Variants in ABCA13 observed in about 807,000 individuals in gnomAD.
The protein encoded by ABCA13 is ATP binding cassette subfamily A member 13.
Under a neutral mutation model 478.7 loss-of-function variants are expected in ABCA13, and 476 were observed. The observed-to-expected ratio is 0.99, with a 90% CI of 0.92 to 1.07. The LOEUF (loss-of-function observed/expected upper bound fraction) is 1.07, where lower values mean the gene tolerates loss of function less well. Ranked by LOEUF, ABCA13 falls within the 50% of genes least tolerant of loss-of-function variation. ABCA13 has a pLI of 0.00. For missense variants in ABCA13, 6,060 were observed against 5,910.6 expected (o/e 1.03, Z -0.83); for synonymous variants, 2,252 against 2,158.9 (o/e 1.04, Z -1.20).
At chr7:48,265,202 T>C (rs1794712686) in intron 15 of ABCA13, among the ~76,000 whole-genome samples, 1 of 151,694 alleles carries the variant, frequency 6.6e-6, no homozygotes. Context: ...ACAGTAAAAC[T>C]TAAATTTAGG....
chr7:48,190,260 C>A (rs1417653526), intron 1 of ABCA13, among the ~76,000 whole-genome samples: 1 of 152,000 alleles, frequency 6.6e-6, no homozygotes, highest in Non-Finnish European at 1.5e-5. Flanking sequence ...CAAAAGTCAG[C>A]CAAATATGTA....
intron 1 of ABCA13, among the ~76,000 whole-genome samples, chr7:48,187,019 G>GTATA (rs773804724): frequency 0.19 from 27,531 of 144,914 alleles, 2,790 homozygotes; most frequent in Non-Finnish European, 0.22. Flanking sequence ...ATGTGTGTGT[G>GTATA]TATATATATA....
chr7:48,295,831 G>A lies in ABCA13; in HGVS notation c.9087G>A (p.Pro3029=), dbSNP rs749435972. 3.7e-6 allele frequency: 6 copies of A among 1,613,376 alleles called. No homozygotes were observed. The African/African-American group carries it at 4.0e-5, about 11-fold the overall frequency. Residue 3029 remains proline, a synonymous_variant, in exon 21 of 62, where the codon CCG becomes CCA. Transcript: ENST00000435803. ...CTGGCCAGGACTGCACAAGCCAGCC[G>A]AGGCTGGAGACGGTGCAGCAGCACT... is the stretch of plus-strand genomic sequence containing the variant. ...NATGQDCTSQ[P]RLETVQQHLY...
In ABCA13 at chr7:48,313,244, T is replaced by G; in HGVS notation, c.9681+13T>G. 6.3e-7 allele frequency: 1 copy of G among 1,599,132 alleles called. No homozygotes were observed. Among genetic ancestry groups the G allele is most frequent in the Non-Finnish European group, 8.5e-7 (1 of 1,172,810 alleles). On this transcript the variant is annotated intron_variant, in intron 25 of 61. Transcript: ENST00000435803. Reference sequence around the variant, plus strand: ...GGACTTTCAACAGGTGTGTGTTTCATCTTTGTCCCTAGGGAAATATTCAAA... The same window carrying G: ...GGACTTTCAACAGGTGTGTGTTTCAGCTTTGTCCCTAGGGAAATATTCAAA...
chr7:48,483,153 C>A lies in ABCA13; in HGVS notation c.13172C>A (p.Thr4391Asn). ...AATGGAAACATATCAAAACCCCCAA[C>A]TCTGGCAAAGGTAATCATATTTTTT... ...GANGNISKPP[T>N]LAKVWYNQKG... The change falls in exon 47 of 62, where the codon ACT (threonine) becomes AAT (asparagine). Residue 4391 changes from threonine (T) to asparagine (N), a missense_variant. Transcript: ENST00000435803. 1 of 1,612,392 alleles carries A rather than the reference C, an allele frequency of 6.2e-7. No homozygotes were observed. The highest frequency in any genetic ancestry group is 8.5e-7 in the Non-Finnish European group (1 of 1,179,350).
chr7:48,563,634 C>T (rs1786691455), intron 55 of ABCA13, among the ~76,000 whole-genome samples: 1 of 152,140 alleles, frequency 6.6e-6, no homozygotes, highest in South Asian at 2.1e-4. Context: ...CAACTTTCCC[C>T]CATGAGGCCT....
intron 30 of ABCA13, among the ~76,000 whole-genome samples, chr7:48,351,160 G>T (rs1808916430): frequency 6.6e-6 from 1 of 152,168 alleles, no homozygotes; most frequent in Non-Finnish European, 1.5e-5. Flanking sequence ...CCCGATTAAA[G>T]TTATACTCTA....
chr7:48,461,822 C>A (rs1237189176), intron 43 of ABCA13, among the ~76,000 whole-genome samples: 4 of 152,164 alleles, frequency 2.6e-5, no homozygotes, highest in Non-Finnish European at 5.9e-5. Context: ...GTTGGCACAA[C>A]CTAGCCAACT....
At chr7:48,615,165 G>A (rs10243913) in intron 58 of ABCA13, 120 bp from the exon 59 acceptor site, 197,904 of 496,844 alleles carry the variant, frequency 0.4, 42,094 homozygotes, top group African/African-American at 0.53. Context: ...AGATTTCTGT[G>A]TAAAAAAATT....
chr7:48,423,978 A>T (rs1182710554), intron 41 of ABCA13, among the ~76,000 whole-genome samples: 1 of 151,782 alleles, frequency 6.6e-6, no homozygotes, highest in East Asian at 2.0e-4. Flanking sequence ...TGTAGGTCTT[A>T]TTTGGTCCAT....
Position 48,275,125 on chromosome 7 carries a change from C to G in ABCA13, c.5459C>G (p.Pro1820Arg), listed in dbSNP as rs1253737243. 6.2e-7 allele frequency: 1 copy of G among 1,613,730 alleles called. No homozygotes were observed. The highest frequency in any genetic ancestry group is 2.2e-5 in the East Asian group (1 of 44,880). The change falls in exon 17 of 62, where the codon CCT (proline) becomes CGT (arginine). Residue 1820 changes from proline (P) to arginine (R), a missense_variant. This residue lies in a region of ABCA13 where 4,423 missense variants were observed against 4,309.1 expected (regional missense o/e 1.03). Transcript: ENST00000435803. Reference protein sequence around the residue: ...DIISEALACFPVVWCWNHTNS... With the variant: ...DIISEALACFRVVWCWNHTNS... ...ATTTCAGAGGCTTTAGCTTGTTTTC[C>G]TGTGGTTTGGTGCTGGAATCACACA... is the stretch of plus-strand genomic sequence containing the variant.
At chr7:48,240,556 T>G (rs978283723) in intron 9 of ABCA13, among the ~76,000 whole-genome samples, 1 of 152,206 alleles carries the variant, frequency 6.6e-6, no homozygotes, top group African/African-American at 2.4e-5. Context: ...ATATGTTCGT[T>G]TAGGTTTTAA....
intron 51 of ABCA13, among the ~76,000 whole-genome samples, chr7:48,516,476 G>A (rs1832120739): frequency 1.3e-5 from 2 of 152,082 alleles, no homozygotes; most frequent in African/African-American, 4.8e-5. Flanking sequence ...GCTAGAGTAG[G>A]CACGCTGGCA....
At chr7:48,570,794 A>G (rs1372425073) in intron 55 of ABCA13, among the ~76,000 whole-genome samples, 1 of 152,172 alleles carries the variant, frequency 6.6e-6, no homozygotes, top group Non-Finnish European at 1.5e-5. Context: ...AATGAGCTAA[A>G]TAATCTAATT....
intron 29 of ABCA13, among the ~76,000 whole-genome samples, chr7:48,341,589 CT>C (rs1807169774): frequency 6.6e-6 from 1 of 151,480 alleles, no homozygotes; most frequent in Admixed American, 6.6e-5. Flanking sequence ...TCTTCTTTCT[CT>C]CTCCTTTTTG....
At chr7:48,592,691 T>G (rs1388361779) in intron 57 of ABCA13, among the ~76,000 whole-genome samples, 1 of 152,004 alleles carries the variant, frequency 6.6e-6, no homozygotes, top group Non-Finnish European at 1.5e-5. Context: ...TCCCCTATTA[T>G]TATTGTACTT....
At chr7:48,593,861 T>A (rs73094677) in intron 57 of ABCA13, among the ~76,000 whole-genome samples, 20 of 151,784 alleles carry the variant, frequency 1.3e-4, no homozygotes, top group Admixed American at 8.5e-4. Context: ...ATTTGGCAGG[T>A]TTTTTTTCTT....
At chr7:48,362,422 T>A (rs1811018229) in intron 31 of ABCA13, among the ~76,000 whole-genome samples, 1 of 149,924 alleles carries the variant, frequency 6.7e-6, no homozygotes, top group Admixed American at 6.6e-5. Context: ...TTTTTTTTTT[T>A]TTTTTTTGCC....
intron 31 of ABCA13, among the ~76,000 whole-genome samples, chr7:48,363,875 A>T (rs1811265685): frequency 6.6e-6 from 1 of 152,032 alleles, no homozygotes; most frequent in African/African-American, 2.4e-5. Context: ...TGCCTTGTTT[A>T]AATTGTTTAA....
Sources: gnomAD v4.1 joint callset for allele counts (sites outside exome capture counted in the v4.1 genomes callset) on GRCh38, gnomAD v4.1.1 for gene constraint, gnomAD v4.1.1 regional missense constraint, MANE v1.5 for transcripts, NCBI Gene and HGNC (gene_info 2026-07-23, HGNC 2026-07-21) for gene names.